Variants in FN1 observed in about 807,000 individuals in gnomAD.
FN1 encodes fibronectin 1.
FN1 carries 106 observed loss-of-function variants against 297.3 expected under a neutral mutation model. That is an observed-to-expected ratio of 0.36 (90% CI 0.30 to 0.42). The LOEUF (loss-of-function observed/expected upper bound fraction) is 0.42. FN1 is among the 10% of genes least tolerant of loss of function. The pLI, the probability that FN1 is intolerant of heterozygous loss-of-function variation, is 1.00. For synonymous variants in FN1, 1,149 were observed against 1,152.6 expected (o/e 1.00, Z 0.06); for missense variants, 2,690 against 3,124.9 (o/e 0.86, Z 3.32).
chr2:215,371,105 T>C (rs2055969541), intron 40 of FN1, among the ~76,000 whole-genome samples: 2 of 140,680 alleles, frequency 1.4e-5, no homozygotes, highest in Admixed American at 1.5e-4. Flanking sequence ...CCGTCTCTAC[T>C]AAAAATACAA....
intron 22 of FN1, 31 bp downstream of exon 22, chr2:215,397,649 A>G (rs568199067): frequency 1.2e-6 from 2 of 1,605,234 alleles, no homozygotes; most frequent in Non-Finnish European, 1.7e-6. Flanking sequence ...AGTTTTAAAA[A>G]CTAATAGAAA....
intron 41 of FN1, among the ~76,000 whole-genome samples, chr2:215,369,853 C>A (rs184107162): frequency 2.0e-4 from 30 of 152,274 alleles, no homozygotes; most frequent in Admixed American, 1.6e-3. Flanking sequence ...AGCCAACTGT[C>A]CCCATGTCTG....
chr2:215,426,052 T>C (rs2065283548), intron 6 of FN1, among the ~76,000 whole-genome samples: 1 of 152,200 alleles, frequency 6.6e-6, no homozygotes, highest in Non-Finnish European at 1.5e-5. Context: ...TATTTGTGAT[T>C]CTATTGTGTT....
chr2:215,401,197 GAAAAGAAAGAAAGAAAGAAAGAAA>G (rs2060988394), intron 20 of FN1, among the ~76,000 whole-genome samples: 7 of 77,640 alleles, frequency 9.0e-5, no homozygotes, highest in African/African-American at 4.5e-4. Context: ...GAGAAAGAAA[GAAAAGAAAGAAAGAAAGAAAGAAA>G]GAAAGAAAGA....
rs749276956 is a variant in FN1 at position 215,408,141 on chromosome 2, C to T, written c.2485G>A (p.Val829Ile). Reference protein sequence around the residue: ...VDQVDDTSIVVRWSRPQAPIT... With the variant: ...VDQVDDTSIVIRWSRPQAPIT... ...GGAGCCTGGGGTCTGCTCCAGCGAA[C>T]AACAATTGAGGTGTCATCAACTTGG... The change falls in exon 17 of 46, where the codon GTT becomes ATT. Residue 829 changes from valine (V) to isoleucine (I), a missense_variant. Around this residue, in one of 3 missense-constraint regions of FN1, gnomAD observed 876 missense variants for 1,058.1 expected, o/e 0.83. Coordinates refer to ENST00000354785, the MANE Select transcript of FN1 (RefSeq NM_212482.4). 2 of 1,614,052 alleles carry T rather than the reference C, an allele frequency of 1.2e-6. No homozygotes were observed. The highest frequency in any genetic ancestry group is 1.7e-6 in the Non-Finnish European group (2 of 1,180,018).
Position 215,361,522 on chromosome 2 carries a change from G to A in FN1, c.*33C>T. The A allele has an allele frequency of 7.0e-7, 1 of 1,427,008 alleles. No individual in the cohort carries two copies. The highest frequency in any genetic ancestry group is 9.9e-7 in the Non-Finnish European group (1 of 1,009,074). 88.4% of individuals were successfully genotyped at this position (1,427,008 alleles called of 1,614,324 possible). A position where few individuals can be genotyped will look rare whatever the true frequency, so the allele number is the denominator to read the frequency against. On this transcript the variant is annotated 3_prime_UTR_variant, in exon 46 of 46. Coordinates refer to ENST00000354785, the MANE Select transcript of FN1 (RefSeq NM_212482.4). Reference sequence around the variant, plus strand: ...CAGTTTAGATGGATCTTGGCAGAGAGACATGCTTGTTCCTCTGGATTGGAA... The same window carrying A: ...CAGTTTAGATGGATCTTGGCAGAGAAACATGCTTGTTCCTCTGGATTGGAA...
chr2:215,377,077 AGAGAGTGTGTGT>A (rs2057407685), intron 35 of FN1, among the ~76,000 whole-genome samples: 5 of 76,964 alleles, frequency 6.5e-5, no homozygotes, highest in African/African-American at 1.6e-4. Flanking sequence ...TGAGAGAGAG[AGAGAGTGTGTGT>A]GTGTGTGTGT....
At chr2:215,406,554 G>A (rs745385935) in intron 18 of FN1, 44 bp from the exon 19 acceptor site, 59 of 1,601,378 alleles carry the variant, frequency 3.7e-5, no homozygotes, top group Non-Finnish European at 4.5e-5. Flanking sequence ...CTCTGCTGAA[G>A]ATTACTTTTA....
intron 2 of FN1, among the ~76,000 whole-genome samples, chr2:215,434,222 G>A (rs1211080487): frequency 6.6e-6 from 1 of 152,192 alleles, no homozygotes; most frequent in Admixed American, 6.5e-5. Context: ...TGACAGAGTT[G>A]CTATAATTTA....
intron 2 of FN1, among the ~76,000 whole-genome samples, chr2:215,434,003 G>A (rs1038844246): frequency 2.6e-5 from 4 of 152,238 alleles, no homozygotes; most frequent in African/African-American, 4.8e-5. Flanking sequence ...TCAGGAGGCT[G>A]AGGCAGGAGA....
intron 27 of FN1, 62 bp downstream of exon 27, chr2:215,388,150 A>G: frequency 2.6e-6 from 3 of 1,170,408 alleles, no homozygotes; most frequent in Non-Finnish European, 3.9e-6. Context: ...GTAGCATTTC[A>G]TTTGTTATAC....
intron 25 of FN1, 106 bp downstream of exon 25, chr2:215,392,825 G>A (rs1181209167): frequency 7.9e-7 from 1 of 1,266,282 alleles, no homozygotes; most frequent in Non-Finnish European, 1.1e-6. Flanking sequence ...CTGAATCTTT[G>A]GCCAATTGCT....
chr2:215,435,179 C>T (rs773316148), intron 1 of FN1, among the ~76,000 whole-genome samples: 18 of 151,980 alleles, frequency 1.2e-4, no homozygotes, highest in Admixed American at 3.3e-4. Flanking sequence ...CCTGAGCGGC[C>T]CTAAAGAGGT....
intron 9 of FN1, 80 bp from the exon 10 acceptor site, chr2:215,422,323 A>G: frequency 3.7e-6 from 5 of 1,369,746 alleles, no homozygotes; most frequent in Non-Finnish European, 5.2e-6. Flanking sequence ...GGATCAGTTC[A>G]GTTTGGTCAT....
At chr2:215,430,661 G>C in intron 5 of FN1, 54 bp downstream of exon 5, 1 of 1,592,452 alleles carries the variant, frequency 6.3e-7, no homozygotes, top group Non-Finnish European at 8.6e-7. Flanking sequence ...TTCTCTCTAG[G>C]AATCCAGAAA....
intron 29 of FN1, 84 bp downstream of exon 29, chr2:215,384,776 T>G: frequency 1.0e-6 from 1 of 976,132 alleles, no homozygotes; most frequent in Non-Finnish European, 1.6e-6. Context: ...GTTTCTTTAA[T>G]TCTTTGTTCA....
At chr2:215,379,642 T>C (rs1435996654) in intron 33 of FN1, 2 of 266,028 alleles carry the variant, frequency 7.5e-6, no homozygotes, top group Non-Finnish European at 1.5e-5. Flanking sequence ...CCATTATGAT[T>C]TATTTTACTT....
chr2:215,413,890 T>A (rs139566937), intron 13 of FN1, among the ~76,000 whole-genome samples: 29 of 152,344 alleles, frequency 1.9e-4, no homozygotes, highest in Non-Finnish European at 3.7e-4. Context: ...ACATCAAAGA[T>A]GCGTCTAGAC....
chr2:215,425,134 A>C lies in FN1; in HGVS notation c.996T>G (p.Leu332=). Residue 332 remains leucine (L), a synonymous_variant, in exon 7 of 46, where the codon CTT becomes CTG. Coordinates refer to ENST00000354785, the MANE Select transcript of FN1 (RefSeq NM_212482.4). ...TGACTCCGTTGCCCAGGCACGTGCA[A>C]AGCATTTGCTTATTTCCTTGTGTCT... The part of the protein sequence containing the change: ...WLKTQGNKQM[L]CTCLGNGVSC... 3 of 1,614,088 alleles carry C rather than the reference A, an allele frequency of 1.9e-6. No homozygotes were observed. Among genetic ancestry groups the C allele is most frequent in the Non-Finnish European group, 2.5e-6 (3 of 1,180,008 alleles).
Sources: allele counts gnomAD v4.1 joint callset (sites outside exome capture counted in the v4.1 genomes callset), GRCh38; gene constraint gnomAD v4.1.1; regional missense constraint gnomAD v4.1.1; transcripts MANE v1.5; gene names NCBI Gene and HGNC (gene_info 2026-07-23, HGNC 2026-07-21).